ATF2: variants seen among roughly 807,000 people sequenced by gnomAD.
ATF2 encodes the protein activating transcription factor 2, also known as cyclic AMP-dependent transcription factor ATF-2.
Under a neutral mutation model 60.6 loss-of-function variants are expected in ATF2, and 24 were observed. That is an observed-to-expected ratio of 0.40 (90% CI 0.29 to 0.56). ATF2 has a LOEUF of 0.56. Among genes scored for constraint, ATF2 ranks in the 20% least tolerant of loss-of-function variants. The pLI, the probability that ATF2 is intolerant of heterozygous loss-of-function variation, is 0.54. For synonymous variants in ATF2, 206 were observed against 215.4 expected, an observed-to-expected ratio of 0.96 and a Z score of 0.38; for missense variants, 433 against 607.7, an observed-to-expected ratio of 0.71 and a Z score of 3.02.
At chr2:175,100,400 T>C (rs752836705) in intron 10 of ATF2, among the ~76,000 whole-genome samples, 5 of 152,194 alleles carry the variant, frequency 3.3e-5, no homozygotes, top group Non-Finnish European at 5.9e-5. Context: ...TTTCAAAATA[T>C]CCCTAAGGGT....
intron 10 of ATF2, among the ~76,000 whole-genome samples, chr2:175,100,379 T>C (rs1574362585): frequency 6.6e-6 from 1 of 152,226 alleles, no homozygotes; most frequent in Non-Finnish European, 1.5e-5. Flanking sequence ...ATAGTTCCTA[T>C]GTTTCTGAAT....
chr2:175,134,041 A>G (rs1697942002), intron 3 of ATF2, among the ~76,000 whole-genome samples: 1 of 152,150 alleles, frequency 6.6e-6, no homozygotes. Flanking sequence ...AAATAAAAGA[A>G]TATGTACAGT....
rs1693104715 is a variant in ATF2, at chr2:175,073,878, T to C, written c.*731A>G. ...TATTTTTAGCCTCAAAACATAGGTGTAAAATATTGAATTTAAGACTTGAAA... is the reference window on the plus strand; with the variant it reads ...TATTTTTAGCCTCAAAACATAGGTGCAAAATATTGAATTTAAGACTTGAAA... On this transcript the variant is annotated 3_prime_UTR_variant, in exon 14 of 14. Coordinates refer to ENST00000264110, the MANE Select transcript of ATF2 (RefSeq NM_001880.4). 6.6e-6 allele frequency: 1 copy of C among 152,262 alleles called. No homozygotes were observed. Among genetic ancestry groups the C allele is most frequent in the Admixed American group, 6.5e-5 (1 of 15,272 alleles). The allele number at this position is 152,262 out of a possible 1,614,324, so 9.4% of individuals were successfully genotyped here.
intron 3 of ATF2, 126 bp from the exon 4 acceptor site, chr2:175,130,333 T>G: frequency 3.7e-6 from 2 of 533,452 alleles, no homozygotes; most frequent in Non-Finnish European, 6.0e-6. Context: ...AAAACACTTT[T>G]CTGACATTTT....
At chr2:175,140,598 G>A (rs903982168) in intron 2 of ATF2, among the ~76,000 whole-genome samples, 2 of 151,958 alleles carry the variant, frequency 1.3e-5, no homozygotes, top group African/African-American at 2.4e-5. Flanking sequence ...AAGTCAAAAC[G>A]TATCAAGCTG....
At chr2:175,167,680 C>T in intron 1 of ATF2, 1 of 505,378 alleles carries the variant, frequency 2.0e-6, no homozygotes, top group Non-Finnish European at 4.1e-6. Context: ...ACTCGACGCG[C>T]GCCCCGAGGA....
chr2:175,119,096 A>G (rs1696776400), intron 5 of ATF2, among the ~76,000 whole-genome samples: 1 of 151,656 alleles, frequency 6.6e-6, no homozygotes, highest in Admixed American at 6.6e-5. Flanking sequence ...ATGTACTCCT[A>G]CTATGTACAT....
intron 2 of ATF2, among the ~76,000 whole-genome samples, chr2:175,140,305 TAAAG>T (rs1559106338): frequency 6.6e-6 from 1 of 152,250 alleles, no homozygotes; most frequent in African/African-American, 2.4e-5. Flanking sequence ...CTTAAGCGAA[TAAAG>T]AGATTTTCTT....
chr2:175,104,774 C>G (rs1695536041), intron 10 of ATF2, among the ~76,000 whole-genome samples: 1 of 152,104 alleles, frequency 6.6e-6, no homozygotes, highest in South Asian at 2.1e-4. Context: ...TAATTTCAAA[C>G]TTAAATTTCA....
At chr2:175,081,885 T>C (rs1693782164) in intron 12 of ATF2, among the ~76,000 whole-genome samples, 1 of 152,138 alleles carries the variant, frequency 6.6e-6, no homozygotes. Flanking sequence ...ACCCTGTCTC[T>C]ACAAAAAATA....
chr2:175,074,909 C>CA (rs1693187147), intron 13 of ATF2, 74 bp from the exon 14 acceptor site: 1 of 1,578,116 alleles, frequency 6.3e-7, no homozygotes, highest in African/African-American at 1.3e-5. Flanking sequence ...AGGCAATACA[C>CA]AGAGTAAAAA....
intron 3 of ATF2, among the ~76,000 whole-genome samples, chr2:175,134,738 C>A (rs1698012433): frequency 6.6e-6 from 1 of 152,016 alleles, no homozygotes; most frequent in Admixed American, 6.6e-5. Flanking sequence ...AATCCCAGCA[C>A]TTTGGGAGGC....
At chr2:175,157,356 C>T (rs770119460) in intron 1 of ATF2, among the ~76,000 whole-genome samples, 17 of 152,246 alleles carry the variant, frequency 1.1e-4, no homozygotes, top group African/African-American at 4.8e-5. Context: ...AGTCTATCTA[C>T]ACAGCCACGC....
chr2:175,159,619 T>G (rs550927401), intron 1 of ATF2, among the ~76,000 whole-genome samples: 6 of 152,236 alleles, frequency 3.9e-5, no homozygotes, highest in Non-Finnish European at 8.8e-5. Flanking sequence ...ATTATGAGTA[T>G]GTGAAGAGTG....
At position 175,074,129 on chromosome 2, in the gene ATF2, T is replaced by C. The variant is rs1693116188; in HGVS notation, c.*480A>G. ...GGCAAAAAGATTAAAAGCAAATTTC[T>C]ATCTTTCTCTTGCCTAGTGCTTTTA... On this transcript the variant is annotated 3_prime_UTR_variant, in exon 14 of 14. Coordinates refer to ENST00000264110, the MANE Select transcript of ATF2 (RefSeq NM_001880.4). 1 of 152,368 alleles carries C rather than the reference T, an allele frequency of 6.6e-6. No homozygotes were observed. The highest frequency in any genetic ancestry group is 2.1e-4 in the South Asian group (1 of 4,860). The allele number at this position is 152,368 out of a possible 1,614,324, so 9.4% of individuals were successfully genotyped here.
intron 1 of ATF2, among the ~76,000 whole-genome samples, chr2:175,155,626 T>A (rs1248559148): frequency 2.0e-5 from 3 of 152,322 alleles, no homozygotes; most frequent in African/African-American, 7.2e-5. Context: ...GTATATTTGC[T>A]ACAAACAAGT....
intron 2 of ATF2, among the ~76,000 whole-genome samples, chr2:175,141,020 A>T (rs1482907213): frequency 0.035 from 4,081 of 115,380 alleles, 143 homozygotes; most frequent in Non-Finnish European, 0.039. Context: ...AAAAAAAAAA[A>T]AAAAAAAAAA....
intron 4 of ATF2, among the ~76,000 whole-genome samples, chr2:175,126,168 T>G (rs1697318536): frequency 6.6e-6 from 1 of 152,198 alleles, no homozygotes; most frequent in South Asian, 2.1e-4. Flanking sequence ...CTTATCCTAT[T>G]TAGGATATGA....
intron 13 of ATF2, among the ~76,000 whole-genome samples, chr2:175,077,781 C>CACATAGGTGCA: frequency 6.6e-6 from 1 of 152,102 alleles, no homozygotes; most frequent in Non-Finnish European, 1.5e-5. Context: ...AATACCTTTA[C>CACATAGGTGCA]AATGTGATAT....
Sources: gnomAD v4.1 joint callset for allele counts (sites outside exome capture counted in the v4.1 genomes callset) on GRCh38, gnomAD v4.1.1 for gene constraint, MANE v1.5 for transcripts, NCBI Gene and HGNC (gene_info 2026-07-23, HGNC 2026-07-21) for gene names.